KDM4C: variants seen among roughly 807,000 people sequenced by gnomAD.
KDM4C encodes lysine demethylase 4C.
A neutral mutation model predicts 129.3 loss-of-function variants in KDM4C; 81 were observed. That is an observed-to-expected ratio of 0.63 (90% confidence interval 0.52 to 0.75). KDM4C has a LOEUF of 0.75. Among genes scored for constraint, KDM4C ranks in the 30% least tolerant of loss-of-function variants. The pLI is 0.00. For synonymous variants in KDM4C, 573 were observed against 456.1 expected (o/e 1.26, Z -3.26); for missense variants, 1,457 against 1,304.0 (o/e 1.12, Z -1.81).
chr9:6,960,067 C>T (rs1272903533), intron 8 of KDM4C, among the ~76,000 whole-genome samples: 3 of 151,846 alleles, frequency 2.0e-5, no homozygotes, highest in Non-Finnish European at 2.9e-5. Flanking sequence ...GCCATCTGAT[C>T]CAAGTCCCTG....
At chr9:6,911,077 A>G (rs1819209435) in intron 8 of KDM4C, among the ~76,000 whole-genome samples, 1 of 152,184 alleles carries the variant, frequency 6.6e-6, no homozygotes, top group Non-Finnish European at 1.5e-5. Flanking sequence ...TTATTTTAAA[A>G]TATTTCTATA....
At chr9:7,097,207 C>T (rs1247919269) in intron 17 of KDM4C, among the ~76,000 whole-genome samples, 1 of 152,186 alleles carries the variant, frequency 6.6e-6, no homozygotes, top group Non-Finnish European at 1.5e-5. Context: ...ATGAGGCAGG[C>T]CCTGGGTCCC....
intron 15 of KDM4C, among the ~76,000 whole-genome samples, chr9:7,035,087 A>G (rs1827398659): frequency 1.3e-5 from 2 of 151,598 alleles, no homozygotes; most frequent in South Asian, 4.2e-4. Context: ...CTCTCAGCTC[A>G]CTGTATTCTC....
chr9:7,083,031 T>C (rs1834715877), intron 17 of KDM4C, among the ~76,000 whole-genome samples: 1 of 152,218 alleles, frequency 6.6e-6, no homozygotes, highest in African/African-American at 2.4e-5. Flanking sequence ...ATTTTTTAAA[T>C]TATTTATCGA....
chr9:6,868,297 G>A (rs914538934), intron 5 of KDM4C, among the ~76,000 whole-genome samples: 9 of 152,158 alleles, frequency 5.9e-5, no homozygotes, highest in South Asian at 2.1e-4. Context: ...GCAGTCCTAC[G>A]TGAGGAAACT....
intron 15 of KDM4C, among the ~76,000 whole-genome samples, chr9:7,034,783 C>T (rs2132404368): frequency 6.6e-6 from 1 of 152,304 alleles, no homozygotes; most frequent in South Asian, 2.1e-4. Context: ...TACTAGTTTA[C>T]ATTCCCACCA....
At chr9:7,012,170 G>A (rs555669871) in intron 13 of KDM4C, among the ~76,000 whole-genome samples, 1 of 152,248 alleles carries the variant, frequency 6.6e-6, no homozygotes, top group African/African-American at 2.4e-5. Flanking sequence ...TGGCTCAGGC[G>A]ATCCCTCTGC....
chr9:6,994,663 A>G (rs1430935639), intron 12 of KDM4C, among the ~76,000 whole-genome samples: 2 of 152,216 alleles, frequency 1.3e-5, no homozygotes, highest in African/African-American at 4.8e-5. Context: ...ACTTGAAATC[A>G]GCCATTAAAA....
At chr9:6,818,697 A>G (rs1832544915) in intron 4 of KDM4C, among the ~76,000 whole-genome samples, 1 of 152,114 alleles carries the variant, frequency 6.6e-6, no homozygotes, top group Non-Finnish European at 1.5e-5. Context: ...TTTCCATTGG[A>G]ATGGGTGAGG....
intron 8 of KDM4C, among the ~76,000 whole-genome samples, chr9:6,921,292 C>T (rs1466512659): frequency 6.6e-6 from 1 of 152,188 alleles, no homozygotes; most frequent in Non-Finnish European, 1.5e-5. Context: ...AACCCACAAA[C>T]TCCTGCCATG....
intron 8 of KDM4C, among the ~76,000 whole-genome samples, chr9:6,932,085 T>C (rs1211095384): frequency 6.6e-6 from 1 of 152,138 alleles, no homozygotes; most frequent in Non-Finnish European, 1.5e-5. Context: ...GTACAAATGC[T>C]ATGAGAGGCC....
At chr9:6,995,736 G>GA (rs1819574336) in intron 12 of KDM4C, among the ~76,000 whole-genome samples, 1 of 152,064 alleles carries the variant, frequency 6.6e-6, no homozygotes, top group Non-Finnish European at 1.5e-5. Flanking sequence ...CAGTGGCGCA[G>GA]TCTCAGCTCA....
intron 20 of KDM4C, among the ~76,000 whole-genome samples, chr9:7,168,065 A>T (rs1426239114): frequency 6.6e-6 from 1 of 152,210 alleles, no homozygotes; most frequent in African/African-American, 2.4e-5. Flanking sequence ...CGGCATGCTT[A>T]TAATTACAGC....
intron 2 of KDM4C, among the ~76,000 whole-genome samples, chr9:6,797,694 ATAGCT>A (rs1828012822): frequency 6.6e-6 from 1 of 152,212 alleles, no homozygotes; most frequent in African/African-American, 2.4e-5. Context: ...GAGAGTGCAA[ATAGCT>A]ATCTTTGCTC....
chr9:7,030,414 C>T (rs938479931), intron 15 of KDM4C, among the ~76,000 whole-genome samples: 1 of 152,066 alleles, frequency 6.6e-6, no homozygotes, highest in Non-Finnish European at 1.5e-5. Context: ...TTTTGTCCAA[C>T]CCATAGAATG....
chr9:6,823,185 G>T (rs1311629181), intron 4 of KDM4C, among the ~76,000 whole-genome samples: 2 of 152,118 alleles, frequency 1.3e-5, no homozygotes, highest in African/African-American at 4.8e-5. Context: ...TTTGCTGAGC[G>T]GTGACACATA....
chr9:6,734,592 C>G (rs72697591), intron 1 of KDM4C: 4,971 of 229,100 alleles, frequency 0.022, 90 homozygotes, highest in Middle Eastern at 0.039. Flanking sequence ...CCATGCCTGG[C>G]CTGCATTCCT....
chr9:6,814,537 A>T (rs746576656), intron 3 of KDM4C, 94 bp from the exon 4 acceptor site: 3 of 706,826 alleles, frequency 4.2e-6, no homozygotes, highest in Non-Finnish European at 6.8e-6. Context: ...TTTTGGTAGG[A>T]TTTTGTTTTA....
At chr9:6,959,945 C>G (rs1045360820) in intron 8 of KDM4C, among the ~76,000 whole-genome samples, 5 of 151,286 alleles carry the variant, frequency 3.3e-5, no homozygotes, top group African/African-American at 9.7e-5. Flanking sequence ...CTGTAGGGGC[C>G]TCTGCTGCCA....
Sources: allele counts gnomAD v4.1 joint callset (sites outside exome capture counted in the v4.1 genomes callset), GRCh38; gene constraint gnomAD v4.1.1; transcripts MANE v1.5; gene names NCBI Gene and HGNC (gene_info 2026-07-23, HGNC 2026-07-21).